Variants in MED13L observed in about 807,000 individuals in gnomAD.
MED13L encodes mediator of RNA polymerase II transcription subunit 13-like.
MED13L carries 7 observed loss-of-function variants against 220.9 expected under a neutral mutation model. The ratio of observed to expected loss-of-function variants is 0.03; its 90% confidence interval spans 0.02 to 0.06. MED13L has a LOEUF of 0.06. Among genes scored for constraint, MED13L ranks in the 10% least tolerant of loss-of-function variants. MED13L has a pLI of 1.00. For missense variants in MED13L, 1,965 were observed against 2,760.5 expected, an observed-to-expected ratio of 0.71 and a Z score of 6.46; for synonymous variants, 1,011 against 1,015.2, an observed-to-expected ratio of 1.00 and a Z score of 0.08.
chr12:116,003,795 G>A (rs1223811025), intron 13 of MED13L, among the ~76,000 whole-genome samples: 1 of 152,080 alleles, frequency 6.6e-6, no homozygotes, highest in Non-Finnish European at 1.5e-5. Flanking sequence ...ACATTGAAAT[G>A]TAAAATTAAA....
intron 1 of MED13L, among the ~76,000 whole-genome samples, chr12:116,250,025 T>TAAAAAAAAAAAAAAAAAAAAAAAAAAAA (rs71095516): frequency 2.5e-5 from 1 of 40,462 alleles, no homozygotes; most frequent in African/African-American, 1.2e-4. Flanking sequence ...CAGCATAAAC[T>TAAAAAAAAAAAAAAAAAAAAAAAAAAAA]AAAAAAAAAA....
Position 115,986,376 on chromosome 12 carries a change from C to A in MED13L, c.4228G>T (p.Asp1410Tyr). ...SLPFWERLLLDPYGGHRDVAY... is the reference protein window; with the variant it reads ...SLPFWERLLLYPYGGHRDVAY... The stretch of plus-strand genomic sequence containing the variant: ...ACATCACGGTGGCCCCCATATGGGT[C>A]CAACAAGAGCCTCTCCCAAAACGGC... The change falls in exon 19 of 31, where the codon GAC becomes TAC. Residue 1410 changes from aspartate to tyrosine, a missense_variant. Coordinates refer to ENST00000281928, the MANE Select transcript of MED13L (RefSeq NM_015335.5). The A allele has an allele frequency of 6.2e-7, 1 of 1,614,102 alleles. No homozygotes were observed. The highest frequency in any genetic ancestry group is 1.7e-5 in the Admixed American group (1 of 60,014).
chr12:116,077,060 CTCT>C (rs1390678717), intron 4 of MED13L, among the ~76,000 whole-genome samples: 1 of 152,204 alleles, frequency 6.6e-6, no homozygotes, highest in Non-Finnish European at 1.5e-5. Flanking sequence ...TGCTTCCCTC[CTCT>C]TGATTCCACC....
chr12:116,268,851 C>G (rs980811388), intron 1 of MED13L, among the ~76,000 whole-genome samples: 25 of 152,292 alleles, frequency 1.6e-4, no homozygotes, highest in African/African-American at 6.0e-4. Context: ...ACATTCAACT[C>G]AGTGACTTAA....
At chr12:116,002,203 A>C (rs556777863) in intron 14 of MED13L, among the ~76,000 whole-genome samples, 1 of 152,316 alleles carries the variant, frequency 6.6e-6, no homozygotes, top group African/African-American at 2.4e-5. Context: ...TATTTTAAAA[A>C]GCTATGGATC....
At chr12:116,147,120 C>T (rs1877593813) in intron 2 of MED13L, among the ~76,000 whole-genome samples, 1 of 152,112 alleles carries the variant, frequency 6.6e-6, no homozygotes, top group African/African-American at 2.4e-5. Flanking sequence ...ATTCAACAAA[C>T]ATTTATTATG....
chr12:115,979,337 A>G lies in MED13L; in HGVS notation c.5364+1413T>C, dbSNP rs558928265. Among the ~76,000 whole-genome samples, 3 of 152,344 alleles carry G rather than the reference A, an allele frequency of 2.0e-5. No individual in the cohort carries two copies. The South Asian group carries it at 6.2e-4, about 32-fold the overall frequency. On this transcript the variant is annotated intron_variant, in intron 23 of 30. Coordinates refer to ENST00000281928, the MANE Select transcript of MED13L (RefSeq NM_015335.5). Reference sequence around the variant, plus strand: ...GAGCATAATAACCTTTAGAAAGGCAATAATTCATAATTTCTGGAAACAAAA... The same window carrying G: ...GAGCATAATAACCTTTAGAAAGGCAGTAATTCATAATTTCTGGAAACAAAA...
chr12:115,998,229 G>A (rs1360108695), intron 14 of MED13L, among the ~76,000 whole-genome samples: 3 of 152,216 alleles, frequency 2.0e-5, no homozygotes, highest in Non-Finnish European at 1.5e-5. Flanking sequence ...AAAAGTTGTA[G>A]TTGTAAAATT....
intron 4 of MED13L, among the ~76,000 whole-genome samples, chr12:116,024,538 G>C (rs561236747): frequency 6.6e-6 from 1 of 152,220 alleles, no homozygotes; most frequent in Non-Finnish European, 1.5e-5. Flanking sequence ...TCCCCTGTCA[G>C]ATATATAGTT....
intron 4 of MED13L, among the ~76,000 whole-genome samples, chr12:116,069,883 G>A (rs1309570091): frequency 6.6e-6 from 1 of 152,026 alleles, no homozygotes; most frequent in Non-Finnish European, 1.5e-5. Context: ...TTAGACCTGG[G>A]TCACATTCCC....
rs1177691164 is a variant in MED13L, at chr12:116,059,073, T to C, written c.480-36472A>G. On this transcript the variant is annotated intron_variant, in intron 4 of 30. Transcript: ENST00000281928. ...CATCAAGTCTGCTTAAACACATTTT[T>C]CTTTTTTTTGTTAAGACAGGGTCTC... 2.0e-5 allele frequency among the ~76,000 whole-genome samples: 3 copies of C among 152,236 alleles called. No homozygotes were observed. The East Asian group carries it at 5.8e-4, about 29-fold the overall frequency.
chr12:116,094,469 A>G (rs569757374), intron 4 of MED13L, among the ~76,000 whole-genome samples: 6 of 152,348 alleles, frequency 3.9e-5, no homozygotes, highest in African/African-American at 1.4e-4. Context: ...CAGGCTTGCT[A>G]AAGTTATGAA....
intron 22 of MED13L, 57 bp from the exon 23 acceptor site, chr12:115,980,995 A>G (rs1877290035): frequency 2.1e-6 from 3 of 1,451,382 alleles, no homozygotes; most frequent in African/African-American, 1.4e-5. Flanking sequence ...ACTGAGATCT[A>G]ACACACTAAC....
intron 1 of MED13L, among the ~76,000 whole-genome samples, chr12:116,250,392 G>A (rs540174475): frequency 2.1e-4 from 21 of 99,772 alleles, no homozygotes; most frequent in Admixed American, 1.7e-3. Context: ...CGAGGAACAC[G>A]ACACAAGATA....
chr12:115,987,188 C>T lies in MED13L; in HGVS notation c.4035G>A (p.Arg1345=). 6.2e-7 allele frequency: 1 copy of T among 1,614,164 alleles called. No individual in the cohort carries two copies. The highest frequency in any genetic ancestry group is 8.5e-7 in the Non-Finnish European group (1 of 1,180,012). ...QDAIQKKRTG[R]TWENIQHVQG... is the part of the protein sequence containing the mutation. ...GCACATGCTGGATGTTCTCCCAGGT[C>T]CTGCCCGTGCGCTTCTTTTGGATGG... The change falls in exon 18 of 31, where the codon AGG becomes AGA. Residue 1345 remains arginine (R), a synonymous_variant. Coordinates refer to ENST00000281928, the MANE Select transcript of MED13L (RefSeq NM_015335.5).
At chr12:116,138,647 A>G (rs762187842) in intron 2 of MED13L, among the ~76,000 whole-genome samples, 1 of 152,224 alleles carries the variant, frequency 6.6e-6, no homozygotes, top group African/African-American at 2.4e-5. Flanking sequence ...CAATTAACAC[A>G]TGTCTGACCT....
At chr12:116,133,082 C>G (rs1453829728) in intron 2 of MED13L, among the ~76,000 whole-genome samples, 2 of 152,086 alleles carry the variant, frequency 1.3e-5, no homozygotes, top group Non-Finnish European at 1.5e-5. Flanking sequence ...ACTGATAACA[C>G]CAGGCATAAA....
intron 2 of MED13L, among the ~76,000 whole-genome samples, chr12:116,178,368 G>A (rs931405478): frequency 1.3e-5 from 2 of 152,150 alleles, no homozygotes; most frequent in Non-Finnish European, 2.9e-5. Context: ...ATTTGGAGGA[G>A]CCAGAGTCCT....
At chr12:116,032,903 G>C (rs1566021689) in intron 4 of MED13L, among the ~76,000 whole-genome samples, 1 of 152,114 alleles carries the variant, frequency 6.6e-6, no homozygotes, top group African/African-American at 2.4e-5. Context: ...GAGACAAGGA[G>C]AAAGGAAAAG....
Sources: allele counts gnomAD v4.1 joint callset (sites outside exome capture counted in the v4.1 genomes callset), GRCh38; gene constraint gnomAD v4.1.1; transcripts MANE v1.5; gene names NCBI Gene and HGNC (gene_info 2026-07-23, HGNC 2026-07-21).